DOK7: variants seen among roughly 807,000 people sequenced by gnomAD.
DOK7 encodes protein Dok-7.
In DOK7, 32 loss-of-function variants were observed where a neutral mutation model predicts 30.7. The ratio of observed to expected loss-of-function variants is 1.04; its 90% confidence interval spans 0.79 to 1.40. The LOEUF is 1.40. DOK7 is among the 40% of genes most tolerant of loss of function. The probability of loss-of-function intolerance (pLI) is 0.00; values close to 1 mark genes in which losing one functional copy is unlikely to be tolerated. For missense variants in DOK7, 1,007 were observed against 699.2 expected (o/e 1.44, Z -4.97); for synonymous variants, 447 against 324.1 (o/e 1.38, Z -4.07).
chr4:3,494,863 G>A (rs1178782729), downstream of DOK7, among the ~76,000 whole-genome samples: 3 of 152,174 alleles, frequency 2.0e-5, no homozygotes, highest in South Asian at 4.1e-4. Flanking sequence ...CCCTACATGG[G>A]GCCGAGTTCC....
chr4:3,501,187 G>A (rs901632606), exon 8 of DOK7: 8 of 284,134 alleles, frequency 2.8e-5, no homozygotes, highest in Middle Eastern at 1.0e-3. Context: ...GATGCAAACC[G>A]CCCTCTCACC....
intron 2 of DOK7, among the ~76,000 whole-genome samples, chr4:3,463,922 T>C (rs1669465159): frequency 6.6e-6 from 1 of 152,116 alleles, no homozygotes; most frequent in African/African-American, 2.4e-5. Flanking sequence ...GAACCCAGCC[T>C]CCAGGGGTGC....
rs577587231 is a variant in DOK7 at position 3,467,159 on chromosome 4, A to G, written c.100+3608A>G. On this transcript the variant is annotated intron_variant, in intron 2 of 6. Transcript: ENST00000340083. ...GGCTGTCCCGCAGCCACTTCTGCGG[A>G]CTCCCATCGTGTTCAGTGTGGGCGG... Among the ~76,000 whole-genome samples the G allele has an allele frequency of 7.4e-5, 11 of 149,564 alleles. No homozygotes were observed. The South Asian group carries it at 2.4e-3, about 32-fold the overall frequency.
chr4:3,485,773 C>T (rs1727741221), intron 5 of DOK7, 115 bp downstream of exon 5: 2 of 1,330,622 alleles, frequency 1.5e-6, no homozygotes, highest in Admixed American at 7.3e-5. Context: ...GCCTCCCCAC[C>T]CCCAGCTAAG....
downstream of DOK7, among the ~76,000 whole-genome samples, chr4:3,498,540 C>A (rs1256029773): frequency 1.3e-5 from 2 of 152,150 alleles, no homozygotes; most frequent in African/African-American, 2.4e-5. Context: ...CCCGGCCCTG[C>A]CCCTTGGCTT....
At chr4:3,466,276 CT>C (rs1326111087) in intron 2 of DOK7, among the ~76,000 whole-genome samples, 2 of 152,190 alleles carry the variant, frequency 1.3e-5, no homozygotes, top group Non-Finnish European at 2.9e-5. Context: ...TTAGTCTCCC[CT>C]ATCCTTGCTC....
Position 3,493,115 on chromosome 4 carries a change from G to C in DOK7, c.1129G>C (p.Ala377Pro), listed in dbSNP as rs972924823. The C allele has an allele frequency of 1.3e-6, 2 of 1,588,808 alleles. No homozygotes were observed. Among genetic ancestry groups the C allele is most frequent in the Admixed American group, 3.5e-5 (2 of 57,056 alleles). Residue 377 changes from alanine to proline, a missense_variant, in exon 7 of 7, where the codon GCA (alanine) becomes CCA (proline). Coordinates refer to ENST00000340083, the MANE Select transcript of DOK7 (RefSeq NM_173660.5). The stretch of plus-strand genomic sequence containing the variant: ...ACTGGGCTCACTGCTCAGCCTGCCA[G>C]CAGCGGGGGCCCCCGAGCCCAGCCT... ...DELGSLLSLP[A>P]AGAPEPSLCT...
rs534946014 is a variant in DOK7 at position 3,472,753 on chromosome 4, A to C, written c.101-653A>C. Among the ~76,000 whole-genome samples, 6 of 152,270 alleles carry C rather than the reference A, an allele frequency of 3.9e-5. No homozygotes were observed. In the South Asian group the frequency reaches 8.3e-4, roughly 21 times the overall value. ...GAGACGGGGACCCGAGTTGCCCTGGAGGGTCCGGGAGGCAGAACGCAGGCA... is the reference window on the plus strand; with the variant it reads ...GAGACGGGGACCCGAGTTGCCCTGGCGGGTCCGGGAGGCAGAACGCAGGCA... On this transcript the variant is annotated intron_variant, in intron 2 of 6. Transcript: ENST00000340083.
rs376255000 is a variant in DOK7, at chr4:3,491,595, C to G, written c.773-1164C>G. Among the ~76,000 whole-genome samples, 281 of 151,736 alleles carry G rather than the reference C, an allele frequency of 1.9e-3. 1 individual carries two copies. The highest frequency in any genetic ancestry group is 6.3e-3 in the African/African-American group (261 of 41,374). On this transcript the variant is annotated intron_variant, in intron 6 of 6. Coordinates refer to ENST00000340083, the MANE Select transcript of DOK7 (RefSeq NM_173660.5). Reference sequence around the variant, plus strand: ...CTTATGGTTCCACATTTACTAAACTCTGGTCTGAGGTGCTGACGGGAAAGG... The same window carrying G: ...CTTATGGTTCCACATTTACTAAACTGTGGTCTGAGGTGCTGACGGGAAAGG...
At position 3,493,051 on chromosome 4, in the gene DOK7, C is replaced by T. The variant is rs200284964; in HGVS notation, c.1065C>T (p.Tyr355=). The T allele has an allele frequency of 2.8e-5, 44 of 1,573,858 alleles. 1 individual carries two copies. Among genetic ancestry groups the T allele is most frequent in the African/African-American group, 1.5e-4 (11 of 74,516 alleles). The change falls in exon 7 of 7, where the codon TAC becomes TAT. Residue 355 remains tyrosine, a synonymous_variant. Coordinates refer to ENST00000340083, the MANE Select transcript of DOK7 (RefSeq NM_173660.5). ...CTTACTCCAGCAGCCTCTCGTCCTA[C>T]GCGGGCAGCAGCCTGGACGTGTGGC... The part of the protein sequence containing the change: ...HSSYSSSLSS[Y]AGSSLDVWRA...
intron 6 of DOK7, among the ~76,000 whole-genome samples, 186 bp from the exon 7 acceptor site, chr4:3,492,573 G>A (rs1032745771): frequency 1.3e-5 from 2 of 152,144 alleles, no homozygotes; most frequent in South Asian, 4.1e-4. Context: ...GAACAGGAGT[G>A]GATGAGGGGT....
rs778918520 is a variant in DOK7, at chr4:3,493,093, G to A, written c.1107G>A (p.Leu369=). 94 of 1,580,092 alleles carry A rather than the reference G, an allele frequency of 5.9e-5. No homozygotes were observed. Among genetic ancestry groups the A allele is most frequent in the Non-Finnish European group, 7.0e-5 (82 of 1,167,304 alleles). ...SLDVWRATDE[L]GSLLSLPAAG... ...ACGTGTGGCGGGCCACAGATGAACT[G>A]GGCTCACTGCTCAGCCTGCCAGCAG... Residue 369 remains leucine, a synonymous_variant, in exon 7 of 7, where the codon CTG becomes CTA. Coordinates refer to ENST00000340083, the MANE Select transcript of DOK7 (RefSeq NM_173660.5).
chr4:3,500,180 T>C (rs978395921), intron 6 of DOK7: 63 of 1,504,810 alleles, frequency 4.2e-5, no homozygotes, highest in Non-Finnish European at 5.3e-5. Flanking sequence ...GGGCAGCTCT[T>C]TACTGCACAA....
At chr4:3,468,769 CATGT>C (rs1397534685) in intron 2 of DOK7, among the ~76,000 whole-genome samples, 6 of 115,458 alleles carry the variant, frequency 5.2e-5, no homozygotes, top group African/African-American at 7.8e-5. Flanking sequence ...TGTGTGTGTG[CATGT>C]ATGTGTGCCT....
chr4:3,493,270 C>T lies in DOK7; in HGVS notation c.1284C>T (p.Asn428=). ...HSPPSQGSPG[N]SAARDSGGQT... is the part of the protein sequence containing the mutation. The stretch of plus-strand genomic sequence containing the variant: ...CCCCCTCACAGGGCAGCCCCGGCAA[C>T]AGTGCGGCCAGGGACTCAGGCGGCC... Residue 428 remains asparagine (N), a synonymous_variant, in exon 7 of 7, where the codon AAC becomes AAT. Coordinates refer to ENST00000340083, the MANE Select transcript of DOK7 (RefSeq NM_173660.5). The T allele has an allele frequency of 6.2e-7, 1 of 1,611,250 alleles. No homozygotes were observed.
chr4:3,474,564 G>C (rs1332677078), intron 3 of DOK7, among the ~76,000 whole-genome samples: 1 of 152,184 alleles, frequency 6.6e-6, no homozygotes, highest in East Asian at 1.9e-4. Context: ...GCTCATGCCT[G>C]TAAACCTTGT....
chr4:3,492,958 G>T lies in DOK7; in HGVS notation c.972G>T (p.Pro324=). Residue 324 remains proline, a synonymous_variant, in exon 7 of 7, where the codon CCG becomes CCT. Coordinates refer to ENST00000340083, the MANE Select transcript of DOK7 (RefSeq NM_173660.5). ...ASRPPPKPLR[P]RQLQEVGRQS... is the part of the protein sequence containing the mutation. ...GGCCACCCCCCAAGCCGCTGCGTCC[G>T]CGGCAGCTGCAGGAGGTTGGCCGCC... 9 of 1,552,652 alleles carry T rather than the reference G, an allele frequency of 5.8e-6. No individual in the cohort carries two copies. Among genetic ancestry groups the T allele is most frequent in the Non-Finnish European group, 7.8e-6 (9 of 1,151,856 alleles).
intron 5 of DOK7, among the ~76,000 whole-genome samples, chr4:3,488,610 A>C (rs1251098622): frequency 6.6e-6 from 1 of 152,138 alleles, no homozygotes; most frequent in African/African-American, 2.4e-5. Flanking sequence ...GCGCTGCAGA[A>C]TTTGGTGTAA....
At position 3,493,376 on chromosome 4, in the gene DOK7, G is replaced by C. The variant is rs775570693; in HGVS notation, c.1390G>C (p.Ala464Pro). 1.3e-6 allele frequency: 2 copies of C among 1,595,504 alleles called. No homozygotes were observed. The highest frequency in any genetic ancestry group is 1.3e-5 in the African/African-American group (1 of 74,710). ...LVMEAPQGSE[A>P]TLPGPAPGEP... is the part of the protein sequence containing the mutation. ...GATGGAGGCCCCCCAGGGCAGCGAG[G>C]CCACACTGCCTGGCCCTGCCCCTGG... is the stretch of plus-strand genomic sequence containing the variant. Residue 464 changes from alanine to proline, a missense_variant, in exon 7 of 7, where the codon GCC (alanine) becomes CCC (proline). By Grantham distance (27) the Ala-to-Pro change is conservative (BLOSUM62 -1). Coordinates refer to ENST00000340083, the MANE Select transcript of DOK7 (RefSeq NM_173660.5).
Sources: allele counts gnomAD v4.1 joint callset (sites outside exome capture counted in the v4.1 genomes callset), GRCh38; gene constraint gnomAD v4.1.1; transcripts MANE v1.5; gene names NCBI Gene and HGNC (gene_info 2026-07-23, HGNC 2026-07-21).